The following ATP10A variants were observed in gnomAD, a reference collection of about 807,000 sequenced individuals.
ATP10A encodes the protein ATPase phospholipid transporting 10A (putative).
In ATP10A, 111 loss-of-function variants were observed where a neutral mutation model predicts 147.8. That is an observed-to-expected ratio of 0.75 (90% CI 0.64 to 0.88). The LOEUF (loss-of-function observed/expected upper bound fraction) is 0.88. ATP10A is among the 40% of genes least tolerant of loss of function. ATP10A has a pLI of 0.00. For synonymous variants in ATP10A, 875 were observed against 841.6 expected, an observed-to-expected ratio of 1.04 and a Z score of -0.69; for missense variants, 1,927 against 1,959.0, an observed-to-expected ratio of 0.98 and a Z score of 0.31.
chr15:25,827,482 C>T (rs1435345339), intron 1 of ATP10A, among the ~76,000 whole-genome samples: 1 of 152,170 alleles, frequency 6.6e-6, no homozygotes, highest in East Asian at 1.9e-4. Flanking sequence ...ATGTAATTGA[C>T]AGGACTTGAC....
chr15:25,750,772 AG>A (rs1888117015), intron 2 of ATP10A, among the ~76,000 whole-genome samples: 1 of 152,048 alleles, frequency 6.6e-6, no homozygotes, highest in Admixed American at 6.6e-5. Context: ...GAGAAATGGA[AG>A]GATACCATTG....
intron 1 of ATP10A, among the ~76,000 whole-genome samples, chr15:25,784,752 A>G (rs1174666340): frequency 6.6e-6 from 1 of 152,044 alleles, no homozygotes; most frequent in African/African-American, 2.4e-5. Flanking sequence ...AAGAAACCCC[A>G]TCTCACTAAA....
intron 1 of ATP10A, among the ~76,000 whole-genome samples, chr15:25,845,374 G>A (rs1053606658): frequency 6.6e-5 from 10 of 152,076 alleles, no homozygotes; most frequent in Non-Finnish European, 1.2e-4. Flanking sequence ...CTGGGTGATG[G>A]CCGAAGTTAA....
chr15:25,716,103 C>A (rs965753546), intron 9 of ATP10A, among the ~76,000 whole-genome samples: 2 of 152,224 alleles, frequency 1.3e-5, no homozygotes, highest in African/African-American at 4.8e-5. Context: ...CTGATCGATT[C>A]TCGACCGCTT....
At chr15:25,696,838 C>G (rs1236896047) in intron 13 of ATP10A, among the ~76,000 whole-genome samples, 1 of 152,200 alleles carries the variant, frequency 6.6e-6, no homozygotes, top group Non-Finnish European at 1.5e-5. Context: ...TGAACTCAGT[C>G]CCAGGCAATT....
At chr15:25,700,214 G>GA (rs1191339932) in intron 13 of ATP10A, among the ~76,000 whole-genome samples, 2 of 151,986 alleles carry the variant, frequency 1.3e-5, no homozygotes, top group Non-Finnish European at 2.9e-5. Flanking sequence ...GGGGCTAGCA[G>GA]AAAAAAAATC....
chr15:25,804,120 G>A (rs1415817910), intron 1 of ATP10A, among the ~76,000 whole-genome samples: 6 of 135,194 alleles, frequency 4.4e-5, no homozygotes, highest in African/African-American at 1.7e-4. Flanking sequence ...GTGAGTGTGC[G>A]GTGTGTGTGT....
chr15:25,712,726 G>A (rs999281053), intron 10 of ATP10A, among the ~76,000 whole-genome samples: 10 of 152,138 alleles, frequency 6.6e-5, no homozygotes, highest in Non-Finnish European at 5.9e-5. Context: ...CTCGCCCCGC[G>A]GTGGTCATCA....
At chr15:25,827,987 G>A (rs1892189248) in intron 1 of ATP10A, among the ~76,000 whole-genome samples, 1 of 152,042 alleles carries the variant, frequency 6.6e-6, no homozygotes, top group South Asian at 2.1e-4. Flanking sequence ...AACCAAAAGA[G>A]CTGAATTGGC....
intron 1 of ATP10A, among the ~76,000 whole-genome samples, chr15:25,788,105 C>A (rs893016065): frequency 6.6e-6 from 1 of 152,212 alleles, no homozygotes; most frequent in Non-Finnish European, 1.5e-5. Context: ...GGGGCCCCAG[C>A]CTGGCCACCT....
intron 9 of ATP10A, among the ~76,000 whole-genome samples, chr15:25,715,334 G>A (rs917087302): frequency 1.1e-4 from 17 of 152,172 alleles, no homozygotes; most frequent in Non-Finnish European, 1.6e-4. Context: ...CGAAGGTGGC[G>A]CTCACCAACC....
chr15:25,864,977 GTTGCCAA>G (rs1234587378), upstream of ATP10A: 3 of 152,386 alleles, frequency 2.0e-5, no homozygotes, highest in Non-Finnish European at 4.4e-5. Context: ...AGTCCACACT[GTTGCCAA>G]AGTAATTACC....
intron 2 of ATP10A, 24 bp downstream of exon 2, chr15:25,780,995 G>C: frequency 6.2e-7 from 1 of 1,611,144 alleles, no homozygotes; most frequent in Non-Finnish European, 8.5e-7. Context: ...TGCCTGCAAG[G>C]CCCTGGAAAC....
intron 1 of ATP10A, among the ~76,000 whole-genome samples, chr15:25,799,331 C>T (rs887263688): frequency 6.6e-6 from 1 of 152,110 alleles, no homozygotes; most frequent in Admixed American, 6.5e-5. Flanking sequence ...TCGTCTCTCC[C>T]GGCCTCACAT....
intron 1 of ATP10A, among the ~76,000 whole-genome samples, chr15:25,859,744 G>T (rs1054642467): frequency 3.9e-5 from 6 of 152,030 alleles, no homozygotes; most frequent in African/African-American, 1.2e-4. Flanking sequence ...GGCTCTAAGG[G>T]GATTCTCACA....
At chr15:25,832,223 C>A (rs1892388691) in intron 1 of ATP10A, among the ~76,000 whole-genome samples, 1 of 152,220 alleles carries the variant, frequency 6.6e-6, no homozygotes, top group Non-Finnish European at 1.5e-5. Context: ...GAGCACGGCC[C>A]TGCCCACACG....
At chr15:25,790,665 G>C (rs748460520) in intron 1 of ATP10A, among the ~76,000 whole-genome samples, 1 of 152,204 alleles carries the variant, frequency 6.6e-6, no homozygotes, top group Non-Finnish European at 1.5e-5. Context: ...AAAGCAAAAC[G>C]ATGCCTAAAC....
At chr15:25,773,177 C>T (rs1002789989) in intron 2 of ATP10A, among the ~76,000 whole-genome samples, 4 of 152,084 alleles carry the variant, frequency 2.6e-5, no homozygotes, top group Non-Finnish European at 4.4e-5. Context: ...GTTCATGGAT[C>T]TCTGCTGCTG....
chr15:25,676,447 G>T (rs1048223980), downstream of ATP10A, among the ~76,000 whole-genome samples: 40 of 152,198 alleles, frequency 2.6e-4, no homozygotes, highest in African/African-American at 9.4e-4. Context: ...CACACTTACA[G>T]CTGGGGCCTG....
Sources: allele counts gnomAD v4.1 joint callset (sites outside exome capture counted in the v4.1 genomes callset), GRCh38; gene constraint gnomAD v4.1.1; transcripts MANE v1.5; gene names NCBI Gene and HGNC (gene_info 2026-07-23, HGNC 2026-07-21).